PCSK2: variants seen among roughly 807,000 people sequenced by gnomAD.
PCSK2 encodes the protein neuroendocrine convertase 2.
A neutral mutation model predicts 69.7 loss-of-function variants in PCSK2; 14 were observed. The observed-to-expected ratio is 0.20, with a 90% CI of 0.13 to 0.31. The LOEUF is 0.31. Ranked by LOEUF, PCSK2 falls within the 10% of genes least tolerant of loss-of-function variation. PCSK2 has a pLI of 1.00. For synonymous variants in PCSK2, 307 were observed against 320.7 expected (o/e 0.96, Z 0.46); for missense variants, 544 against 842.5 (o/e 0.65, Z 4.39).
intron 5 of PCSK2, among the ~76,000 whole-genome samples, chr20:17,383,758 T>A (rs992788670): frequency 6.6e-6 from 1 of 152,212 alleles, no homozygotes; most frequent in Non-Finnish European, 1.5e-5. Flanking sequence ...ATGGACACTC[T>A]ATTCACAAGT....
intron 5 of PCSK2, among the ~76,000 whole-genome samples, chr20:17,403,763 T>C (rs1208336847): frequency 1.3e-5 from 2 of 152,216 alleles, no homozygotes; most frequent in Admixed American, 6.5e-5. Context: ...ATTACCACGT[T>C]GTACTCGTGA....
At chr20:17,355,407 A>G (rs554230644) in intron 2 of PCSK2, among the ~76,000 whole-genome samples, 16 of 152,292 alleles carry the variant, frequency 1.1e-4, no homozygotes, top group African/African-American at 3.8e-4. Context: ...AGTGAAAGTC[A>G]ACCAAGGCCT....
At chr20:17,248,251 C>A (rs8121977) in intron 1 of PCSK2, among the ~76,000 whole-genome samples, 69,993 of 151,194 alleles carry the variant, frequency 0.46, 16,503 homozygotes, top group East Asian at 0.56. Flanking sequence ...ATACTAAATG[C>A]CCGCAGTATG....
intron 8 of PCSK2, among the ~76,000 whole-genome samples, chr20:17,451,975 G>A (rs185585636): frequency 0.014 from 2,031 of 143,268 alleles, 15 homozygotes; most frequent in Non-Finnish European, 0.02. Flanking sequence ...CTGGAGTGCA[G>A]TGGCACAATC....
intron 2 of PCSK2, among the ~76,000 whole-genome samples, chr20:17,309,856 AAGAAGG>A (rs58772648): frequency 0.077 from 11,632 of 150,252 alleles, 539 homozygotes; most frequent in East Asian, 0.11. Flanking sequence ...GAGGAAGAAG[AAGAAGG>A]GGAAGGGGAA....
At chr20:17,328,362 A>G (rs1287047981) in intron 2 of PCSK2, among the ~76,000 whole-genome samples, 3 of 149,198 alleles carry the variant, frequency 2.0e-5, no homozygotes, top group Non-Finnish European at 4.4e-5. Flanking sequence ...TGCAATATAT[A>G]AATATTACCT....
intron 1 of PCSK2, among the ~76,000 whole-genome samples, chr20:17,252,882 A>AAAAC (rs1157952864): frequency 6.6e-6 from 1 of 152,260 alleles, no homozygotes; most frequent in Non-Finnish European, 1.5e-5. Flanking sequence ...TCAAACTTTC[A>AAAAC]AAACAATTAA....
intron 5 of PCSK2, among the ~76,000 whole-genome samples, chr20:17,376,782 TGTAA>T (rs1600532052): frequency 6.6e-6 from 1 of 152,262 alleles, no homozygotes; most frequent in East Asian, 1.9e-4. Flanking sequence ...GTGTGTACTT[TGTAA>T]GTGTTTTGTG....
chr20:17,386,868 G>T (rs923745369), intron 5 of PCSK2, among the ~76,000 whole-genome samples: 2 of 152,108 alleles, frequency 1.3e-5, no homozygotes, highest in African/African-American at 4.8e-5. Context: ...ACACTCCAAT[G>T]GATCATCCAG....
intron 11 of PCSK2, 67 bp downstream of exon 11, chr20:17,465,620 G>A: frequency 1.1e-6 from 1 of 949,806 alleles, no homozygotes; most frequent in East Asian, 2.5e-5. Flanking sequence ...CATGGCATTG[G>A]CATAATATCA....
chr20:17,364,439 A>G (rs2030517440), intron 4 of PCSK2, among the ~76,000 whole-genome samples: 1 of 152,242 alleles, frequency 6.6e-6, no homozygotes, highest in African/African-American at 2.4e-5. Context: ...TAATAGACTC[A>G]CAGTTCCATG....
At chr20:17,346,155 A>G (rs1990647181) in intron 2 of PCSK2, among the ~76,000 whole-genome samples, 1 of 152,160 alleles carries the variant, frequency 6.6e-6, no homozygotes, top group Non-Finnish European at 1.5e-5. Flanking sequence ...CTGGATCATG[A>G]ATCAACAAAA....
chr20:17,297,682 T>C (rs558978628), intron 2 of PCSK2, among the ~76,000 whole-genome samples: 19 of 152,218 alleles, frequency 1.2e-4, no homozygotes, highest in Non-Finnish European at 2.5e-4. Context: ...GTTATCCTCT[T>C]CGTGAATGTC....
chr20:17,473,888 G>A (rs1346977582), intron 11 of PCSK2, among the ~76,000 whole-genome samples: 1 of 152,150 alleles, frequency 6.6e-6, no homozygotes, highest in African/African-American at 2.4e-5. Context: ...AGCAGACCCA[G>A]CTCCTGTGCA....
chr20:17,264,387 A>G (rs921610832), intron 2 of PCSK2, among the ~76,000 whole-genome samples: 2 of 152,222 alleles, frequency 1.3e-5, no homozygotes, highest in Non-Finnish European at 2.9e-5. Context: ...AACTTCTATC[A>G]GTCCAATAAA....
chr20:17,360,547 G>T lies in PCSK2; in HGVS notation c.412G>T (p.Ala138Ser), dbSNP rs761428030. 1 of 1,610,632 alleles carries T rather than the reference G, an allele frequency of 6.2e-7. No homozygotes were observed. Among genetic ancestry groups the T allele is most frequent in the African/African-American group, 1.3e-5 (1 of 74,976 alleles). Reference sequence around the variant, plus strand: ...CCTGTACCAGATCAATACTGGGCAAGCTGATGGCACTCCTGGCCTTGATTT... The same window carrying T: ...CCTGTACCAGATCAATACTGGGCAATCTGATGGCACTCCTGGCCTTGATTT... ...KQWYLINTGQADGTPGLDLNV... is the reference protein window; with the variant it reads ...KQWYLINTGQSDGTPGLDLNV... The change falls in exon 4 of 12, where the codon GCT (alanine) becomes TCT (serine). Residue 138 changes from alanine (A) to serine (S), a missense_variant. By Grantham distance (99) the Ala-to-Ser change is moderately conservative. Coordinates refer to ENST00000262545, the MANE Select transcript of PCSK2 (RefSeq NM_002594.5).
At chr20:17,360,237 T>C (rs2030343692) in intron 3 of PCSK2, among the ~76,000 whole-genome samples, 1 of 151,828 alleles carries the variant, frequency 6.6e-6, no homozygotes, top group South Asian at 2.1e-4. Flanking sequence ...AGCTCTCTTA[T>C]GGAAAAAGTT....
intron 2 of PCSK2, among the ~76,000 whole-genome samples, chr20:17,307,698 T>C (rs1054389440): frequency 6.6e-6 from 1 of 152,208 alleles, no homozygotes; most frequent in Admixed American, 6.5e-5. Context: ...TACTCCCTGA[T>C]TTCATAGAGT....
At chr20:17,460,617 A>G (rs970853507) in intron 10 of PCSK2, among the ~76,000 whole-genome samples, 3 of 152,240 alleles carry the variant, frequency 2.0e-5, no homozygotes, top group Non-Finnish European at 4.4e-5. Flanking sequence ...TAAGGTTCCA[A>G]TGACTTCCTG....
Sources: gnomAD v4.1 joint callset for allele counts (sites outside exome capture counted in the v4.1 genomes callset) on GRCh38, gnomAD v4.1.1 for gene constraint, MANE v1.5 for transcripts, NCBI Gene and HGNC (gene_info 2026-07-23, HGNC 2026-07-21) for gene names.